The following DHX8 variants were observed in gnomAD, a reference collection of about 807,000 sequenced individuals.
The protein encoded by DHX8 is ATP-dependent RNA helicase DHX8.
In DHX8, 67 loss-of-function variants were observed where a neutral mutation model predicts 140.7. The ratio of observed to expected loss-of-function variants is 0.48; its 90% CI spans 0.39 to 0.58. DHX8 has a LOEUF of 0.58. DHX8 is among the 20% of genes least tolerant of loss of function. DHX8 has a pLI of 0.00. For synonymous variants in DHX8, 533 were observed against 553.2 expected (o/e 0.96, Z 0.51); for missense variants, 887 against 1,550.7 (o/e 0.57, Z 7.19).
chr17:43,521,910 T>C, intron 21 of DHX8, 137 bp from the exon 22 acceptor site: 1 of 872,918 alleles, frequency 1.1e-6, no homozygotes, highest in Non-Finnish European at 1.8e-6. Flanking sequence ...GAGCTGCCTC[T>C]GTAGTACACT....
intron 9 of DHX8, among the ~76,000 whole-genome samples, chr17:43,497,094 A>G (rs1025581624): frequency 6.6e-6 from 1 of 152,166 alleles, no homozygotes; most frequent in Admixed American, 6.5e-5. Flanking sequence ...TCTTCCTTCT[A>G]GGAGTAACCA....
downstream of DHX8, among the ~76,000 whole-genome samples, chr17:43,530,661 T>C (rs890150364): frequency 2.0e-5 from 3 of 152,012 alleles, no homozygotes; most frequent in Admixed American, 6.5e-5. Context: ...TGCGCCTGCA[T>C]GCACCTGGGG....
In DHX8 at chr17:43,525,418, G is replaced by A; in HGVS notation, c.*1571G>A. The A allele has an allele frequency of 3.1e-6, 3 of 983,404 alleles. No homozygotes were observed. The highest frequency in any genetic ancestry group is 3.6e-6 in the Non-Finnish European group (3 of 828,146). 60.9% of individuals were successfully genotyped at this position (983,404 alleles called of 1,614,324 possible). Reference sequence around the variant, plus strand: ...AAGAGTCCGAGGGAGAGGAATATAGGCCAGGCAATCTGCTGGCTGCAGATC... The same window carrying A: ...AAGAGTCCGAGGGAGAGGAATATAGACCAGGCAATCTGCTGGCTGCAGATC... On this transcript the variant is annotated 3_prime_UTR_variant, in exon 23 of 23. Coordinates refer to ENST00000262415, the MANE Select transcript of DHX8 (RefSeq NM_004941.3).
chr17:43,531,725 A>T (rs1336902313), downstream of DHX8, among the ~76,000 whole-genome samples: 1 of 152,148 alleles, frequency 6.6e-6, no homozygotes, highest in Admixed American at 6.5e-5. Flanking sequence ...AAAACAAAAC[A>T]AGAAAACCCT....
intron 3 of DHX8, among the ~76,000 whole-genome samples, chr17:43,541,650 A>C (rs1971528144): frequency 6.6e-6 from 1 of 152,104 alleles, no homozygotes; most frequent in Non-Finnish European, 1.5e-5. Context: ...CCCACACTAC[A>C]TATGCTCGGT....
In DHX8 at chr17:43,521,423, G is replaced by A; in HGVS notation, c.3121G>A (p.Asp1041Asn). Residue 1041 changes from aspartate to asparagine, a missense_variant, in exon 21 of 23, where the codon GAC becomes AAC. Coordinates refer to ENST00000262415, the MANE Select transcript of DHX8 (RefSeq NM_004941.3). ...GGCCAAATTCCACCAGACTGAAGGG[G>A]ACCACCTCACCCTGCTAGCTGTGTA... Reference protein sequence around the residue: ...KKAKFHQTEGDHLTLLAVYNS... With the variant: ...KKAKFHQTEGNHLTLLAVYNS... 1 of 1,613,856 alleles carries A rather than the reference G, an allele frequency of 6.2e-7. No homozygotes were observed. Among genetic ancestry groups the A allele is most frequent in the Non-Finnish European group, 8.5e-7 (1 of 1,179,950 alleles).
chr17:43,493,066 C>T, intron 6 of DHX8, 26 bp downstream of exon 6: 1 of 1,593,256 alleles, frequency 6.3e-7, no homozygotes, highest in Non-Finnish European at 8.6e-7. Context: ...CTTTTGTTCA[C>T]ACCAGTGATG....
At chr17:43,493,624 T>A (rs375106079) in intron 7 of DHX8, 35 bp downstream of exon 7, 1 of 1,613,972 alleles carries the variant, frequency 6.2e-7, no homozygotes, top group Non-Finnish European at 8.5e-7. Flanking sequence ...TTACATGTGA[T>A]GGCCAAGGGA....
In DHX8 at chr17:43,524,786, C is replaced by G; in HGVS notation, c.*939C>G. 1 of 985,376 alleles carries G rather than the reference C, an allele frequency of 1.0e-6. No homozygotes were observed. The highest frequency in any genetic ancestry group is 1.2e-6 in the Non-Finnish European group (1 of 829,918). The allele number at this position is 985,376 out of a possible 1,614,324, so 61.0% of individuals were successfully genotyped here. On this transcript the variant is annotated 3_prime_UTR_variant, in exon 23 of 23. Coordinates refer to ENST00000262415, the MANE Select transcript of DHX8 (RefSeq NM_004941.3). ...GACTTTAACAAAGGGATTTTATGGT[C>G]AAAACCTCCCTTTCCCCACTCCAAA...
chr17:43,507,112 T>C lies in DHX8; in HGVS notation c.1838T>C (p.Ile613Thr), dbSNP rs1211978636. Residue 613 changes from isoleucine to threonine, a missense_variant, in exon 13 of 23, where the codon ATT becomes ACT. Around this residue, in one of 9 missense-constraint regions of DHX8, gnomAD observed 178 missense variants for 398.5 expected, o/e 0.45. Coordinates refer to ENST00000262415, the MANE Select transcript of DHX8 (RefSeq NM_004941.3). Reference sequence around the variant, plus strand: ...GCAGGCTACACTTCCAGGGGCAAGATTGGGTGTACCCAGCCCAGAAGAGTG... The same window carrying C: ...GCAGGCTACACTTCCAGGGGCAAGACTGGGTGTACCCAGCCCAGAAGAGTG... The part of the protein sequence containing the change: ...AEAGYTSRGK[I>T]GCTQPRRVAA... The C allele has an allele frequency of 2.5e-6, 4 of 1,613,940 alleles. No homozygotes were observed. Among genetic ancestry groups the C allele is most frequent in the East Asian group, 4.5e-5 (2 of 44,882 alleles).
downstream of DHX8, chr17:43,529,456 A>G: frequency 6.4e-7 from 1 of 1,571,008 alleles, no homozygotes; most frequent in Non-Finnish European, 8.6e-7. Context: ...TCCCACCTCC[A>G]GGCTGTAAAC....
chr17:43,521,279 G>A (rs1210382725), intron 20 of DHX8, 90 bp from the exon 21 acceptor site: 1 of 1,109,204 alleles, frequency 9.0e-7, no homozygotes, highest in East Asian at 2.6e-5. Flanking sequence ...GGACACTTTT[G>A]ATAGGGTCTT....
intron 12 of DHX8, among the ~76,000 whole-genome samples, chr17:43,505,640 G>A (rs1969454224): frequency 6.6e-6 from 1 of 151,810 alleles, no homozygotes; most frequent in Admixed American, 6.6e-5. Context: ...TTTTCCTGGG[G>A]CCCCTAGAAC....
intron 11 of DHX8, among the ~76,000 whole-genome samples, chr17:43,502,087 T>C (rs2071698393): frequency 1.3e-5 from 2 of 152,320 alleles, no homozygotes; most frequent in Admixed American, 6.5e-5. Flanking sequence ...TGGGGAAAGA[T>C]GGTCAAATTC....
At chr17:43,508,238 A>C (rs1326703492) in intron 15 of DHX8, 101 bp from the exon 16 acceptor site, 1 of 1,452,410 alleles carries the variant, frequency 6.9e-7, no homozygotes, top group Admixed American at 2.2e-5. Flanking sequence ...ATATGAATGC[A>C]TATGTTCTGT....
intron 19 of DHX8, among the ~76,000 whole-genome samples, 181 bp downstream of exon 19, chr17:43,520,448 A>G (rs1035562121): frequency 6.6e-6 from 1 of 152,248 alleles, no homozygotes; most frequent in South Asian, 2.1e-4. Flanking sequence ...TTATACAAAA[A>G]GGTGTTCTGT....
chr17:43,529,789 TC>T, downstream of DHX8: 1 of 1,598,534 alleles, frequency 6.3e-7, no homozygotes, highest in Non-Finnish European at 8.6e-7. Flanking sequence ...TTTCTATGGG[TC>T]CCACCCTCTT....
intron 11 of DHX8, among the ~76,000 whole-genome samples, chr17:43,502,144 G>A (rs548607824): frequency 6.6e-6 from 1 of 152,310 alleles, no homozygotes; most frequent in East Asian, 1.9e-4. Flanking sequence ...CTTAGGTTGA[G>A]GTATCCAGTG....
downstream of DHX8, chr17:43,530,010 G>C (rs1009040375): frequency 1.2e-6 from 2 of 1,609,714 alleles, no homozygotes; most frequent in Non-Finnish European, 1.7e-6. Flanking sequence ...AGACCCCAGA[G>C]AGTCCAGAGG....
Sources: gnomAD v4.1 joint callset for allele counts (sites outside exome capture counted in the v4.1 genomes callset) on GRCh38, gnomAD v4.1.1 for gene constraint, gnomAD v4.1.1 regional missense constraint, MANE v1.5 for transcripts, NCBI Gene and HGNC (gene_info 2026-07-23, HGNC 2026-07-21) for gene names.